Variants in CASTOR2 observed in about 807,000 individuals in gnomAD.
CASTOR2 encodes cytosolic arginine sensor for mTORC1 subunit 2.
Under a neutral mutation model 31.2 loss-of-function variants are expected in CASTOR2, and 8 were observed. The observed-to-expected ratio is 0.26, with a 90% CI of 0.15 to 0.46. CASTOR2 has a LOEUF of 0.46. Ranked by LOEUF, CASTOR2 falls within the 20% of genes least tolerant of loss-of-function variation. CASTOR2 has a pLI of 0.99. For synonymous variants in CASTOR2, 162 were observed against 158.7 expected (o/e 1.02, Z -0.16); for missense variants, 216 against 382.1 (o/e 0.57, Z 3.62).
intron 1 of CASTOR2, among the ~76,000 whole-genome samples, chr7:74,986,596 C>T (rs1554436779): frequency 7.9e-5 from 12 of 152,260 alleles, no homozygotes; most frequent in East Asian, 7.7e-4. Flanking sequence ...GCACTGAGCT[C>T]AGATACTGCC....
rs1804899402 is a variant in CASTOR2 at position 75,017,789 on chromosome 7, C to T, written c.376C>T (p.Leu126=). The T allele has an allele frequency of 1.6e-5, 26 of 1,614,052 alleles. No individual in the cohort carries two copies. The highest frequency in any genetic ancestry group is 2.1e-5 in the Non-Finnish European group (25 of 1,179,892). ...MLSTYQTDFI[L]VRERDLPFVT... ...GTCCACGTATCAGACAGACTTCATC[C>T]TGGTGAGCTGACCATCACAGACACG... is the stretch of plus-strand genomic sequence containing the variant. Residue 126 remains leucine (L), a splice_region_variant and synonymous_variant, in exon 3 of 9, where the codon CTG becomes TTG. Transcript: ENST00000616305.
At chr7:74,975,933 G>T (rs1245909410) in intron 1 of CASTOR2, among the ~76,000 whole-genome samples, 1 of 149,242 alleles carries the variant, frequency 6.7e-6, no homozygotes, top group Non-Finnish European at 1.5e-5. Flanking sequence ...CCCATATGGA[G>T]AGGAACTGAG....
intron 7 of CASTOR2, 85 bp from the exon 8 acceptor site, chr7:75,024,355 G>T (rs1805074126): frequency 7.5e-7 from 1 of 1,341,378 alleles, no homozygotes; most frequent in Non-Finnish European, 1.0e-6. Context: ...GGTAGGCATT[G>T]CCCACAGAGG....
At chr7:74,992,420 CG>C (rs1469507684) in intron 1 of CASTOR2, among the ~76,000 whole-genome samples, 1 of 151,996 alleles carries the variant, frequency 6.6e-6, no homozygotes, top group Non-Finnish European at 1.5e-5. Flanking sequence ...TGAGCAACAT[CG>C]TGAGACCCTG....
In CASTOR2 at chr7:75,026,184, CGG is replaced by C. The variant is rs1297834924; in HGVS notation, c.*1489_*1490del. Among the ~76,000 whole-genome samples the C allele has an allele frequency of 3.3e-5, 3 of 89,646 alleles. No individual in the cohort carries two copies. The highest frequency in any genetic ancestry group is 7.5e-5 in the Non-Finnish European group (3 of 40,242). The allele number at this position is 89,646 out of a possible 152,430, so 58.8% of individuals were successfully genotyped here. A position where few individuals can be genotyped will look rare whatever the true frequency, so the allele number is the denominator to read the frequency against. ...AGGGCCCCTGTGGTTTTGGCTCTGG[CGG>C]GGGTTTTTTTTTTTTTTTTTGAGAT... On this transcript the variant is annotated 3_prime_UTR_variant, in exon 9 of 9. Coordinates refer to ENST00000616305, the MANE Select transcript of CASTOR2 (RefSeq NM_001145064.3).
At chr7:74,989,594 T>TTC (rs1804156457) in intron 1 of CASTOR2, among the ~76,000 whole-genome samples, 1 of 150,132 alleles carries the variant, frequency 6.7e-6, no homozygotes. Context: ...TTTTTTTTTT[T>TTC]CTGTAGAGAT....
At chr7:74,991,113 G>T (rs1450658087) in intron 1 of CASTOR2, among the ~76,000 whole-genome samples, 1 of 150,986 alleles carries the variant, frequency 6.6e-6, no homozygotes, top group Non-Finnish European at 1.5e-5. Flanking sequence ...AAATGCCCTC[G>T]CACCTAACCA....
At chr7:75,003,477 A>T (rs1487441414) in intron 1 of CASTOR2, among the ~76,000 whole-genome samples, 1 of 151,048 alleles carries the variant, frequency 6.6e-6, no homozygotes, top group Non-Finnish European at 1.5e-5. Flanking sequence ...AAGGCCGGGC[A>T]TGGTGGCTCA....
rs997835659 is a variant in CASTOR2 at position 75,029,413 on chromosome 7, G to A, written c.*4714G>A. On this transcript the variant is annotated 3_prime_UTR_variant, in exon 9 of 9. Transcript: ENST00000616305. ...GGCTGGAGTGCAGTGGTGCGATCTC[G>A]GTTCGCTGCAACCTCTGCTTCCCAG... Among the ~76,000 whole-genome samples, 27 of 149,108 alleles carry A rather than the reference G, an allele frequency of 1.8e-4. No homozygotes were observed. The highest frequency in any genetic ancestry group is 6.2e-4 in the African/African-American group (25 of 40,258).
chr7:75,014,570 C>T (rs1452076860), intron 2 of CASTOR2, among the ~76,000 whole-genome samples: 7 of 151,946 alleles, frequency 4.6e-5, no homozygotes, highest in African/African-American at 1.7e-4. Flanking sequence ...CCAGCCTGGG[C>T]GACAGAGTAA....
intron 7 of CASTOR2, 97 bp downstream of exon 7, chr7:75,022,053 G>T: frequency 7.1e-7 from 1 of 1,402,504 alleles, no homozygotes; most frequent in Non-Finnish European, 9.9e-7. Flanking sequence ...CTGCTGGGGG[G>T]TACAGATGGG....
intron 7 of CASTOR2, among the ~76,000 whole-genome samples, chr7:75,024,179 A>C (rs1484280814): frequency 6.6e-6 from 1 of 152,278 alleles, no homozygotes; most frequent in South Asian, 2.1e-4. Flanking sequence ...AATCCCAGCT[A>C]TTTGGGAGGC....
chr7:74,988,892 G>T (rs1804137626), intron 1 of CASTOR2, among the ~76,000 whole-genome samples: 1 of 149,172 alleles, frequency 6.7e-6, no homozygotes, highest in African/African-American at 2.5e-5. Flanking sequence ...ATTTCAAAAT[G>T]CAGAAGATAT....
intron 1 of CASTOR2, among the ~76,000 whole-genome samples, chr7:74,984,953 T>G (rs1262267429): frequency 2.6e-5 from 4 of 152,032 alleles, no homozygotes; most frequent in Non-Finnish European, 4.4e-5. Context: ...CCAATGGGGT[T>G]AGTAGAAACC....
intron 1 of CASTOR2, among the ~76,000 whole-genome samples, chr7:74,983,755 TC>T (rs1162238324): frequency 6.7e-6 from 1 of 150,196 alleles, no homozygotes; most frequent in Non-Finnish European, 1.5e-5. Context: ...ACTCTGCTGT[TC>T]CTACCACATA....
At chr7:75,007,781 G>A in intron 1 of CASTOR2, 1 of 680,534 alleles carries the variant, frequency 1.5e-6, no homozygotes, top group Non-Finnish European at 2.6e-6. Flanking sequence ...CGGGGGTATA[G>A]TGGGGACAAT....
chr7:74,992,722 G>A (rs1250795099), intron 1 of CASTOR2, among the ~76,000 whole-genome samples: 24 of 152,174 alleles, frequency 1.6e-4, no homozygotes, highest in Non-Finnish European at 2.8e-4. Flanking sequence ...ACAGGCGTGA[G>A]CCACTGTGCC....
In CASTOR2 at chr7:74,990,394, A is replaced by C. The variant is rs142358284; in HGVS notation, c.114-17600A>C. Among the ~76,000 whole-genome samples, 798 of 150,744 alleles carry C rather than the reference A, an allele frequency of 5.3e-3. 5 individuals carry two copies. The highest frequency in any genetic ancestry group is 6.6e-3 in the Non-Finnish European group (446 of 67,612). On this transcript the variant is annotated intron_variant, in intron 1 of 8. Coordinates refer to ENST00000616305, the MANE Select transcript of CASTOR2 (RefSeq NM_001145064.3). Reference sequence around the variant, plus strand: ...CGAGACTCTATCTCAAAAAAAAAAAACAAAAACAAAAAACAACAACAACAA... The same window carrying C: ...CGAGACTCTATCTCAAAAAAAAAAACCAAAAACAAAAAACAACAACAACAA...
chr7:75,017,889 A>G, intron 3 of CASTOR2, 98 bp downstream of exon 3: 3 of 1,613,502 alleles, frequency 1.9e-6, no homozygotes, highest in Non-Finnish European at 1.7e-6. Flanking sequence ...CTTCCACGCT[A>G]TTCCAGGGTG....
Sources: allele counts gnomAD v4.1 joint callset (sites outside exome capture counted in the v4.1 genomes callset), GRCh38; gene constraint gnomAD v4.1.1; transcripts MANE v1.5; gene names NCBI Gene and HGNC (gene_info 2026-07-23, HGNC 2026-07-21).